RMP64: variants seen among roughly 807,000 people sequenced by gnomAD.
The protein encoded by RMP64 is nucleolus and neural progenitor protein.
chr3:113,005,968 A>G, the RMP64 span: 27 of 1,613,358 alleles, frequency 1.7e-5, no homozygotes, highest in South Asian at 2.6e-4. Flanking sequence ...GGTGGTTGCA[A>G]ATAGACGTTT....
chr3:113,011,562 AGTCCAACCCAAC>A, the RMP64 span: 1 of 523,812 alleles, frequency 1.9e-6, no homozygotes. Flanking sequence ...CAGCCAGATT[AGTCCAACCCAAC>A]AGAAAAATCC....
chr3:113,012,327 C>G, the RMP64 span, among the ~76,000 whole-genome samples: 2 of 152,174 alleles, frequency 1.3e-5, no homozygotes, highest in South Asian at 4.1e-4. Flanking sequence ...CCAGGATTAG[C>G]ATCATTTTAA....
the RMP64 span, chr3:113,008,352 G>A: frequency 0.021 from 33,712 of 1,613,562 alleles, 2,121 homozygotes; most frequent in East Asian, 0.21. Context: ...TTGGCATGAG[G>A]AGTTCCTATC....
the RMP64 span, among the ~76,000 whole-genome samples, chr3:113,009,891 A>T: frequency 1.3e-5 from 2 of 152,064 alleles, no homozygotes; most frequent in African/African-American, 4.8e-5. Flanking sequence ...TCAAGAAAAT[A>T]TGTTTAAGAA....
the RMP64 span, chr3:113,010,534 A>T: frequency 3.5e-6 from 3 of 863,880 alleles, no homozygotes; most frequent in Non-Finnish European, 5.6e-6. Flanking sequence ...GAAGGCACTA[A>T]GCTTAGAGCT....
the RMP64 span, chr3:113,010,363 C>T: frequency 2.7e-6 from 1 of 363,840 alleles, no homozygotes; most frequent in South Asian, 4.1e-5. Context: ...TACTCTTAAG[C>T]TGCAGTACAA....
chr3:113,008,072 G>T, the RMP64 span: 1 of 1,089,750 alleles, frequency 9.2e-7, no homozygotes, highest in Non-Finnish European at 1.4e-6. Flanking sequence ...CCCCGCTGCG[G>T]CTGCTGGACA....
chr3:113,015,124 TG>T, the RMP64 span: 1 of 152,246 alleles, frequency 6.6e-6, no homozygotes, highest in South Asian at 2.1e-4. Flanking sequence ...TCCAAATTTT[TG>T]TATCTGTCTA....
At chr3:113,011,262 CT>C in the RMP64 span, 1 of 1,613,456 alleles carries the variant, frequency 6.2e-7, no homozygotes, top group East Asian at 2.2e-5. Context: ...CAAAATATGG[CT>C]GTCCTAAAAA....
chr3:113,013,448 A>AAG, the RMP64 span: 2 of 1,446,972 alleles, frequency 1.4e-6, no homozygotes, highest in South Asian at 1.3e-5. Flanking sequence ...TTAAAAAAAA[A>AAG]GGGTTTTTTT....
At chr3:113,018,389 AT>A in the RMP64 span, among the ~76,000 whole-genome samples, 10 of 152,204 alleles carry the variant, frequency 6.6e-5, no homozygotes, top group Non-Finnish European at 1.2e-4. Context: ...TTGTTAAAGA[AT>A]TTTTGAATAG....
chr3:113,010,514 T>G, the RMP64 span: 2 of 700,154 alleles, frequency 2.9e-6, no homozygotes, highest in Non-Finnish European at 4.9e-6. Flanking sequence ...AAGCACACAC[T>G]GACAACTAAG....
chr3:113,017,407 T>A, the RMP64 span: 1 of 1,558,302 alleles, frequency 6.4e-7, no homozygotes, highest in Non-Finnish European at 8.8e-7. Context: ...ATCTACATTT[T>A]CAAGTGAACA....
chr3:113,011,636 T>C, the RMP64 span: 2 of 350,072 alleles, frequency 5.7e-6, no homozygotes, highest in South Asian at 1.1e-4. Context: ...AGGAAAGATA[T>C]ATATATATTC....
the RMP64 span, chr3:113,005,444 G>A: frequency 1.3e-6 from 1 of 791,950 alleles, no homozygotes. Context: ...TCCTCTGTGA[G>A]TCCAGGTGGT....
At chr3:113,014,846 C>CTTGGGTT in the RMP64 span, 1 of 152,104 alleles carries the variant, frequency 6.6e-6, no homozygotes, top group Non-Finnish European at 1.5e-5. Context: ...CCTTCTCTCT[C>CTTGGGTT]TTGGGTTTTT....
chr3:113,011,028 G>C, the RMP64 span: 1 of 1,567,500 alleles, frequency 6.4e-7, no homozygotes, highest in Non-Finnish European at 8.6e-7. Flanking sequence ...AGTATGTGCT[G>C]TATCAAAGCA....
At chr3:113,019,274 C>T in the RMP64 span, 1 of 498,024 alleles carries the variant, frequency 2.0e-6, no homozygotes, top group African/African-American at 2.0e-5. Context: ...CTCTCCGCCC[C>T]CTCAGCGCAC....
the RMP64 span, among the ~76,000 whole-genome samples, chr3:113,007,973 C>G: frequency 6.6e-6 from 1 of 152,200 alleles, no homozygotes; most frequent in African/African-American, 2.4e-5. Flanking sequence ...GTCCAATTAA[C>G]TTGTTTATCT....
Sources: allele counts gnomAD v4.1 joint callset (sites outside exome capture counted in the v4.1 genomes callset), GRCh38; gene constraint gnomAD v4.1.1; transcripts MANE v1.5; gene names NCBI Gene and HGNC (gene_info 2026-07-23, HGNC 2026-07-21).